MTFR1: variants seen among roughly 807,000 people sequenced by gnomAD.
The protein encoded by MTFR1 is mitochondrial fission regulator 1.
A neutral mutation model predicts 38.8 loss-of-function variants in MTFR1; 28 were observed. The observed-to-expected ratio is 0.72, with a 90% CI of 0.53 to 0.99. The LOEUF is 0.99. Ranked by LOEUF, MTFR1 falls within the 50% of genes least tolerant of loss-of-function variation. MTFR1 has a pLI of 0.00. For synonymous variants in MTFR1, 145 were observed against 137.0 expected (o/e 1.06, Z -0.41); for missense variants, 358 against 395.5 (o/e 0.91, Z 0.81).
chr8:65,771,016 A>G, exon 4 of MTFR1: 1 of 368,032 alleles, frequency 2.7e-6, no homozygotes, highest in African/African-American at 2.2e-5. Flanking sequence ...AGATAAATTT[A>G]TAAGCCTTAA....
In MTFR1 at chr8:65,734,934, G is replaced by A. The variant is rs1285831555; in HGVS notation, c.*48+15453G>A. 5 of 1,222,912 alleles carry A rather than the reference G, an allele frequency of 4.1e-6. No individual in the cohort carries two copies. The East Asian group carries it at 1.2e-4, about 29-fold the overall frequency. 75.8% of individuals were successfully genotyped at this position (1,222,912 alleles called of 1,614,324 possible). A position where few individuals can be genotyped will look rare whatever the true frequency, so the allele number is the denominator to read the frequency against. On this transcript the variant is annotated intron_variant, in intron 3 of 3. Coordinates refer to the MTFR1 transcript ENST00000521247. ...GAGATCCCGATTTTATTGTATATGA[G>A]CAACATATACAAGGACAAAAATTGT...
chr8:65,661,550 G>C (rs989285483), intron 1 of MTFR1, among the ~76,000 whole-genome samples: 2 of 152,172 alleles, frequency 1.3e-5, no homozygotes, highest in African/African-American at 4.8e-5. Flanking sequence ...AGAATCGCTT[G>C]AACCTGGGAC....
intron 3 of MTFR1, among the ~76,000 whole-genome samples, chr8:65,685,768 T>C (rs888441897): frequency 1.3e-5 from 2 of 152,224 alleles, no homozygotes; most frequent in Non-Finnish European, 2.9e-5. Flanking sequence ...CTAATAAAGG[T>C]ATAATTATCA....
chr8:65,678,848 G>C (rs1202410616), intron 2 of MTFR1, among the ~76,000 whole-genome samples: 1 of 151,914 alleles, frequency 6.6e-6, no homozygotes, highest in Non-Finnish European at 1.5e-5. Context: ...TCGCACCACT[G>C]CACTCCAGCC....
chr8:65,691,131 A>T (rs1035583278), intron 3 of MTFR1, among the ~76,000 whole-genome samples: 3 of 152,140 alleles, frequency 2.0e-5, no homozygotes, highest in African/African-American at 7.2e-5. Flanking sequence ...CTTCCCTTTG[A>T]TCTTATACCT....
chr8:65,650,713 A>G (rs1245709591), intron 1 of MTFR1, among the ~76,000 whole-genome samples: 1 of 152,192 alleles, frequency 6.6e-6, no homozygotes, highest in Non-Finnish European at 1.5e-5. Flanking sequence ...ATAGACATTT[A>G]TTTAGTTGCT....
intron 3 of MTFR1, among the ~76,000 whole-genome samples, chr8:65,755,089 C>T (rs1472155761): frequency 6.5e-5 from 9 of 139,108 alleles, no homozygotes; most frequent in Non-Finnish European, 9.2e-5. Flanking sequence ...GGTGTGGTTT[C>T]GGCTCACTGT....
Position 65,745,260 on chromosome 8 carries a change from A to G in MTFR1, c.*49-25687A>G, listed in dbSNP as rs1481000297. The G allele has an allele frequency of 6.3e-6, 4 of 639,152 alleles. No homozygotes were observed. In the East Asian group the frequency reaches 8.7e-5, roughly 14 times the overall value. The allele number at this position is 639,152 out of a possible 1,614,324, so 39.6% of individuals were successfully genotyped here. On this transcript the variant is annotated intron_variant, in intron 3 of 3. Coordinates refer to the MTFR1 transcript ENST00000521247. ...ACCCAGTCTCGGGTATGTCTTTATC[A>G]GCAGTGTGAAAATGGACTAATACAC... is the stretch of plus-strand genomic sequence containing the variant.
At chr8:65,670,517 T>A (rs1421977487) in intron 2 of MTFR1, among the ~76,000 whole-genome samples, 2 of 152,318 alleles carry the variant, frequency 1.3e-5, no homozygotes, top group South Asian at 2.1e-4. Context: ...ACATTTTTTA[T>A]AAGTATTTTC....
chr8:65,683,600 T>C (rs1250014270), intron 3 of MTFR1, among the ~76,000 whole-genome samples: 2 of 152,386 alleles, frequency 1.3e-5, no homozygotes, highest in Non-Finnish European at 2.9e-5. Context: ...TGTGGAGATG[T>C]GGAAGATGTA....
At chr8:65,759,339 A>G (rs1018458019) in intron 3 of MTFR1, among the ~76,000 whole-genome samples, 1 of 152,208 alleles carries the variant, frequency 6.6e-6, no homozygotes, top group African/African-American at 2.4e-5. Context: ...TGAGGCCAAG[A>G]GGGCCAAATC....
intron 3 of MTFR1, among the ~76,000 whole-genome samples, chr8:65,689,371 CT>C (rs1179903190): frequency 1.3e-5 from 2 of 152,066 alleles, no homozygotes; most frequent in Non-Finnish European, 2.9e-5. Context: ...CTAATATGCA[CT>C]TTATTAAATG....
At chr8:65,708,443 G>A (rs1805850199) in intron 7 of MTFR1, 1 of 295,948 alleles carries the variant, frequency 3.4e-6, no homozygotes, top group South Asian at 3.2e-5. Flanking sequence ...TTTCTCTCAG[G>A]GCACCCTGTG....
At chr8:65,776,581 T>C in the MTFR1 span, among the ~76,000 whole-genome samples, 8,645 of 152,266 alleles carry the variant, frequency 0.057, 710 homozygotes, top group African/African-American at 0.18. Context: ...AATTTTTCTA[T>C]GTAATCACTT....
intron 3 of MTFR1, among the ~76,000 whole-genome samples, chr8:65,684,568 A>G (rs1170305920): frequency 6.6e-6 from 1 of 151,774 alleles, no homozygotes; most frequent in Non-Finnish European, 1.5e-5. Flanking sequence ...TATTTTTAAT[A>G]GAGATGGGGT....
chr8:65,644,978 C>T (rs904897549), intron 1 of MTFR1, among the ~76,000 whole-genome samples, 194 bp downstream of exon 1: 2 of 152,210 alleles, frequency 1.3e-5, no homozygotes, highest in African/African-American at 2.4e-5. Flanking sequence ...GAGACTGCCT[C>T]GGCTGAGGGC....
At chr8:65,683,278 C>A (rs370231899) in intron 3 of MTFR1, among the ~76,000 whole-genome samples, 2 of 151,912 alleles carry the variant, frequency 1.3e-5, no homozygotes, top group East Asian at 3.9e-4. Flanking sequence ...ACTACAGGTG[C>A]ACACCACCAC....
chr8:65,719,784 A>C (rs911049186), intron 3 of MTFR1: 7 of 384,966 alleles, frequency 1.8e-5, no homozygotes, highest in Non-Finnish European at 2.9e-5. Context: ...TCTTCTACTT[A>C]AGCAAAAATA....
Position 65,707,152 on chromosome 8 carries a change from T to C in MTFR1, c.660T>C (p.Asn220=). The stretch of plus-strand genomic sequence containing the variant: ...AAGAACGAAGAGAGAAAAGAGCCAA[T>C]GCTGGAAAGACTTTGGTTAAGAACA... ...LIKERREKRA[N]AGKTLVKNNP... Residue 220 remains asparagine, a synonymous_variant, in exon 6 of 8, where the codon AAT becomes AAC. Transcript: ENST00000262146. The C allele has an allele frequency of 2.0e-6, 3 of 1,503,598 alleles. No individual in the cohort carries two copies. Among genetic ancestry groups the C allele is most frequent in the Non-Finnish European group, 2.7e-6 (3 of 1,109,768 alleles). The allele number at this position is 1,503,598 out of a possible 1,614,324, so 93.1% of individuals were successfully genotyped here.
Sources: allele counts gnomAD v4.1 joint callset (sites outside exome capture counted in the v4.1 genomes callset), GRCh38; gene constraint gnomAD v4.1.1; transcripts MANE v1.5; gene names NCBI Gene and HGNC (gene_info 2026-07-23, HGNC 2026-07-21).